C12orf56: variants seen among roughly 807,000 people sequenced by gnomAD.
The protein encoded by C12orf56 is chromosome 12 open reading frame 56.
A neutral mutation model predicts 69.9 loss-of-function variants in C12orf56; 71 were observed. The observed-to-expected ratio is 1.02, with a 90% CI of 0.84 to 1.24. The LOEUF is 1.24. Among genes scored for constraint, C12orf56 ranks in the 50% most tolerant of loss-of-function variants. C12orf56 has a pLI of 0.00. For missense variants in C12orf56, 732 were observed against 738.5 expected (o/e 0.99, Z 0.10); for synonymous variants, 276 against 274.1 (o/e 1.01, Z -0.07).
chr12:64,308,364 A>G (rs532822324), intron 5 of C12orf56, among the ~76,000 whole-genome samples: 13 of 152,210 alleles, frequency 8.5e-5, no homozygotes, highest in Non-Finnish European at 1.6e-4. Context: ...CATAAATAAA[A>G]CATAAAAATG....
At chr12:64,335,029 A>T (rs549813557) in intron 2 of C12orf56, among the ~76,000 whole-genome samples, 1 of 152,326 alleles carries the variant, frequency 6.6e-6, no homozygotes, top group South Asian at 2.1e-4. Flanking sequence ...GACAAGATAT[A>T]GAACATCTCC....
chr12:64,273,170 C>T (rs2038011591), intron 11 of C12orf56, among the ~76,000 whole-genome samples: 2 of 152,040 alleles, frequency 1.3e-5, no homozygotes, highest in Non-Finnish European at 2.9e-5. Flanking sequence ...TGGCAGGTGC[C>T]TGTAATCCCA....
At chr12:64,347,736 T>A (rs932025676) in intron 2 of C12orf56, among the ~76,000 whole-genome samples, 3 of 152,154 alleles carry the variant, frequency 2.0e-5, no homozygotes, top group Non-Finnish European at 2.9e-5. Context: ...ATCAAATACG[T>A]TTTAAAGGGA....
At position 64,390,627 on chromosome 12, in the gene C12orf56, G is replaced by GC. The variant is rs1401395392; in HGVS notation, c.-63dup. 1.7e-5 allele frequency: 24 copies of GC among 1,386,914 alleles called. No individual in the cohort carries two copies. The highest frequency in any genetic ancestry group is 1.9e-5 in the Non-Finnish European group (21 of 1,079,144). The allele number at this position is 1,386,914 out of a possible 1,614,324, so 85.9% of individuals were successfully genotyped here. A position where few individuals can be genotyped will look rare whatever the true frequency, so the allele number is the denominator to read the frequency against. ...GAGGCCCTCAGCTCGCCCTCTCCCC[G>GC]CCCCCGCGCTGGAACCCGCGCGCCA... On this transcript the variant is annotated 5_prime_UTR_variant, in exon 1 of 13. Transcript: ENST00000543942.
At chr12:64,345,417 CA>C (rs1382072923) in intron 2 of C12orf56, among the ~76,000 whole-genome samples, 1 of 151,596 alleles carries the variant, frequency 6.6e-6, no homozygotes, top group African/African-American at 2.4e-5. Flanking sequence ...TTTCTTCTGG[CA>C]AAAAAAAGTT....
rs1273536730 is a variant in C12orf56, at chr12:64,328,726, T to TAG, written c.488+2233_488+2234insCT. 1.4e-3 allele frequency among the ~76,000 whole-genome samples: 74 copies of TAG among 53,822 alleles called. 3 individuals are homozygous for TAG. The highest frequency in any genetic ancestry group is 1.7e-3 in the Admixed American group (8 of 4,598). 35.3% of individuals were successfully genotyped at this position (53,822 alleles called of 152,430 possible). ...AAAAAAATATATATATATATATATA[T>TAG]ATATATATATAGTATCACACTTTAA... On this transcript the variant is annotated intron_variant, in intron 3 of 12. Transcript: ENST00000543942.
chr12:64,377,099 T>C (rs1175821741), intron 1 of C12orf56, among the ~76,000 whole-genome samples: 1 of 152,196 alleles, frequency 6.6e-6, no homozygotes, highest in African/African-American at 2.4e-5. Context: ...GGATTTGCAT[T>C]CTGTAGTGAT....
chr12:64,278,619 A>G lies in C12orf56; in HGVS notation c.1311-816T>C, dbSNP rs543528164. On this transcript the variant is annotated intron_variant, in intron 8 of 12. Coordinates refer to ENST00000543942, the MANE Select transcript of C12orf56 (RefSeq NM_001170633.2). ...TTTATATAGTGAGAACACAAAATCTATTGTCAGCAATTTTCAAGTATACAG... is the reference window on the plus strand; with the variant it reads ...TTTATATAGTGAGAACACAAAATCTGTTGTCAGCAATTTTCAAGTATACAG... Among the ~76,000 whole-genome samples, 12 of 152,266 alleles carry G rather than the reference A, an allele frequency of 7.9e-5. 1 individual carries two copies. In the South Asian group the frequency reaches 1.7e-3, roughly 21 times the overall value.
At chr12:64,277,857 T>G in intron 8 of C12orf56, 54 bp from the exon 9 acceptor site, 1 of 1,373,396 alleles carries the variant, frequency 7.3e-7, no homozygotes, top group Non-Finnish European at 9.6e-7. Flanking sequence ...AGAGGAAAAA[T>G]GGTGAAGCCA....
intron 2 of C12orf56, among the ~76,000 whole-genome samples, chr12:64,346,958 C>T (rs2039151467): frequency 6.9e-6 from 1 of 145,764 alleles, no homozygotes; most frequent in Admixed American, 7.2e-5. Flanking sequence ...ATATATCTAT[C>T]TATATCTGTC....
chr12:64,340,665 C>G (rs1307649784), intron 2 of C12orf56, among the ~76,000 whole-genome samples: 5 of 152,142 alleles, frequency 3.3e-5, no homozygotes, highest in Admixed American at 6.6e-5. Flanking sequence ...TTTCTTAGTA[C>G]AAGTGTATAC....
At chr12:64,312,538 G>A (rs1427966719) in intron 5 of C12orf56, 141 bp downstream of exon 5, 2 of 583,598 alleles carry the variant, frequency 3.4e-6, no homozygotes, top group African/African-American at 3.7e-5. Context: ...GAGCCCAGGA[G>A]GTAGAGGTTG....
At chr12:64,295,670 CAA>C (rs1371324962) in intron 6 of C12orf56, among the ~76,000 whole-genome samples, 1 of 128,088 alleles carries the variant, frequency 7.8e-6, no homozygotes. Context: ...GACTCCATCT[CAA>C]AAAAAAAAAG....
In C12orf56 at chr12:64,266,429, T is replaced by TCC. The variant is rs2037920501; in HGVS notation, c.*753_*754insGG. Reference sequence around the variant, plus strand: ...AACTCTGGCCTCCGGCCTTGGTGGTTTCTGGTGCAGGAACTGAGAGACCCT... The same window carrying TCC: ...AACTCTGGCCTCCGGCCTTGGTGGTTCCTCTGGTGCAGGAACTGAGAGACCCT... On this transcript the variant is annotated 3_prime_UTR_variant, in exon 13 of 13. Coordinates refer to ENST00000543942, the MANE Select transcript of C12orf56 (RefSeq NM_001170633.2). 3.9e-6 allele frequency: 1 copy of TCC among 254,340 alleles called. No individual in the cohort carries two copies. The highest frequency in any genetic ancestry group is 8.4e-6 in the Non-Finnish European group (1 of 118,592). 15.8% of individuals were successfully genotyped at this position (254,340 alleles called of 1,614,324 possible).
chr12:64,332,280 G>A (rs1014630747), intron 2 of C12orf56, among the ~76,000 whole-genome samples: 6 of 130,040 alleles, frequency 4.6e-5, no homozygotes, highest in African/African-American at 1.7e-4. Context: ...TTCAGCCTGG[G>A]TGAAAGAGCG....
At chr12:64,347,905 T>G (rs1200605330) in intron 2 of C12orf56, among the ~76,000 whole-genome samples, 1 of 152,212 alleles carries the variant, frequency 6.6e-6, no homozygotes, top group African/African-American at 2.4e-5. Flanking sequence ...ACCTAAAAAT[T>G]TGAACAAGTT....
intron 8 of C12orf56, 96 bp from the exon 9 acceptor site, chr12:64,277,899 A>C: frequency 9.5e-7 from 1 of 1,055,720 alleles, no homozygotes. Context: ...TTATGTTTAA[A>C]AGAATGAAGC....
chr12:64,386,475 CA>C (rs1347169498), intron 1 of C12orf56, among the ~76,000 whole-genome samples: 2 of 151,564 alleles, frequency 1.3e-5, no homozygotes, highest in Non-Finnish European at 2.9e-5. Context: ...TGGCTCACCG[CA>C]ACCTCCGCCT....
chr12:64,322,075 G>A (rs997468414), intron 3 of C12orf56, among the ~76,000 whole-genome samples: 1 of 149,868 alleles, frequency 6.7e-6, no homozygotes, highest in Non-Finnish European at 1.5e-5. Flanking sequence ...GAACTCCTGG[G>A]CTCAAGCGAT....
Sources: allele counts gnomAD v4.1 joint callset (sites outside exome capture counted in the v4.1 genomes callset), GRCh38; gene constraint gnomAD v4.1.1; transcripts MANE v1.5; gene names NCBI Gene and HGNC (gene_info 2026-07-23, HGNC 2026-07-21).